Variants in NDST4 observed in about 807,000 individuals in gnomAD.
NDST4 encodes the protein N-heparan sulfate sulfotransferase 4.
A neutral mutation model predicts 100.8 loss-of-function variants in NDST4; 63 were observed. The ratio of observed to expected loss-of-function variants is 0.62; its 90% CI spans 0.51 to 0.77. The LOEUF (loss-of-function observed/expected upper bound fraction) is 0.77. Among genes scored for constraint, NDST4 ranks in the 30% least tolerant of loss-of-function variants. The probability of loss-of-function intolerance (pLI) is 0.00; values close to 1 mark genes in which losing one functional copy is unlikely to be tolerated. For missense variants in NDST4, 943 were observed against 1,018.4 expected, an observed-to-expected ratio of 0.93 and a Z score of 1.01; for synonymous variants, 377 against 361.8, an observed-to-expected ratio of 1.04 and a Z score of -0.48.
chr4:115,067,006 A>G (rs992231859), intron 2 of NDST4, among the ~76,000 whole-genome samples: 1 of 152,204 alleles, frequency 6.6e-6, no homozygotes, highest in Non-Finnish European at 1.5e-5. Flanking sequence ...TGCTACCCAT[A>G]GAACTGAATC....
chr4:115,095,445 T>C lies in NDST4; in HGVS notation c.-247+17999A>G, dbSNP rs573825967. Among the ~76,000 whole-genome samples, 37 of 152,306 alleles carry C rather than the reference T, an allele frequency of 2.4e-4. No homozygotes were observed. The East Asian group carries it at 6.8e-3, about 28-fold the overall frequency. On this transcript the variant is annotated intron_variant, in intron 1 of 13. Coordinates refer to ENST00000264363, the MANE Select transcript of NDST4 (RefSeq NM_022569.3). The stretch of plus-strand genomic sequence containing the variant: ...TTCCCCTTAGGACCTCAGAGCTCTC[T>C]GGTATATGTTTTCTCTCCCAGTTAG...
intron 6 of NDST4, among the ~76,000 whole-genome samples, chr4:114,875,551 T>G (rs1341132807): frequency 6.6e-6 from 1 of 152,152 alleles, no homozygotes; most frequent in African/African-American, 2.4e-5. Context: ...TAATTGAACT[T>G]TATGGATAAT....
intron 2 of NDST4, among the ~76,000 whole-genome samples, chr4:114,988,884 T>C (rs545089777): frequency 3.3e-5 from 5 of 152,300 alleles, no homozygotes; most frequent in African/African-American, 9.6e-5. Context: ...TAATTGGTTA[T>C]AGAAACTAGA....
chr4:114,900,914 G>T (rs1487667339), intron 6 of NDST4, among the ~76,000 whole-genome samples: 6 of 152,008 alleles, frequency 3.9e-5, no homozygotes, highest in Non-Finnish European at 8.8e-5. Flanking sequence ...GTGTTATTGA[G>T]AAGTGTGTTG....
chr4:115,097,255 T>TA (rs1729638078), intron 1 of NDST4, among the ~76,000 whole-genome samples: 1 of 152,166 alleles, frequency 6.6e-6, no homozygotes, highest in Non-Finnish European at 1.5e-5. Context: ...CTCCTGTTTG[T>TA]ATATCTAACC....
chr4:115,068,551 G>A (rs768794319), intron 2 of NDST4, among the ~76,000 whole-genome samples: 1 of 151,532 alleles, frequency 6.6e-6, no homozygotes, highest in African/African-American at 2.4e-5. Flanking sequence ...GCTCATGCCT[G>A]TAAACCCAGC....
chr4:114,909,307 A>G (rs192326843), intron 6 of NDST4, among the ~76,000 whole-genome samples: 66 of 152,306 alleles, frequency 4.3e-4, no homozygotes, highest in Middle Eastern at 3.4e-3. Context: ...AATTACATGT[A>G]TGATGACTTG....
chr4:114,883,073 T>A (rs1327100070), intron 6 of NDST4, among the ~76,000 whole-genome samples: 1 of 152,030 alleles, frequency 6.6e-6, no homozygotes, highest in African/African-American at 2.4e-5. Flanking sequence ...GTCAGTGGAC[T>A]TGCCTTGAAA....
intron 4 of NDST4, among the ~76,000 whole-genome samples, chr4:114,942,996 A>C (rs1725782464): frequency 6.8e-6 from 1 of 147,808 alleles, no homozygotes; most frequent in African/African-American, 2.5e-5. Context: ...ATATATACTG[A>C]TATATAATAT....
intron 6 of NDST4, among the ~76,000 whole-genome samples, chr4:114,877,370 T>G (rs1724277242): frequency 6.6e-6 from 1 of 152,110 alleles, no homozygotes; most frequent in African/African-American, 2.4e-5. Flanking sequence ...TATTTCAATA[T>G]GTATATCTAT....
intron 7 of NDST4, among the ~76,000 whole-genome samples, chr4:114,853,478 AGTGCCAGTTT>A (rs1270473689): frequency 1.3e-5 from 2 of 152,216 alleles, no homozygotes; most frequent in Admixed American, 6.5e-5. Context: ...CTACACTTCC[AGTGCCAGTTT>A]TTATTTCATT....
intron 7 of NDST4, among the ~76,000 whole-genome samples, chr4:114,855,847 T>A (rs1432101461): frequency 1.3e-5 from 2 of 152,206 alleles, no homozygotes; most frequent in African/African-American, 2.4e-5. Context: ...TTTAGATACA[T>A]CTTTCTTTAA....
intron 1 of NDST4, among the ~76,000 whole-genome samples, chr4:115,087,189 C>T (rs1454049191): frequency 6.6e-6 from 1 of 151,942 alleles, no homozygotes; most frequent in African/African-American, 2.4e-5. Context: ...GTGACTCTGT[C>T]TCATTTTGTA....
chr4:115,021,572 A>ATC (rs1448252098), intron 2 of NDST4, among the ~76,000 whole-genome samples: 8 of 60,150 alleles, frequency 1.3e-4, no homozygotes, highest in Non-Finnish European at 2.0e-4. Context: ...CACGTTCCAC[A>ATC]TATACACATT....
intron 5 of NDST4, among the ~76,000 whole-genome samples, chr4:114,935,795 C>G (rs1293399887): frequency 6.6e-6 from 1 of 152,100 alleles, no homozygotes; most frequent in Non-Finnish European, 1.5e-5. Context: ...TTTGTTTTCA[C>G]TACAATCTGA....
chr4:114,945,068 C>T (rs1024752156), intron 4 of NDST4, among the ~76,000 whole-genome samples: 3 of 151,912 alleles, frequency 2.0e-5, no homozygotes, highest in Admixed American at 2.0e-4. Flanking sequence ...AATTAGCTGG[C>T]TGTGGTGGCA....
At chr4:114,915,100 A>G (rs78077617) in intron 6 of NDST4, among the ~76,000 whole-genome samples, 3,843 of 152,280 alleles carry the variant, frequency 0.025, 159 homozygotes, top group African/African-American at 0.088. Context: ...AACAACTAAA[A>G]GCAAAGTCCT....
intron 2 of NDST4, among the ~76,000 whole-genome samples, chr4:115,057,646 G>T (rs759062126): frequency 5.3e-5 from 8 of 151,468 alleles, no homozygotes; most frequent in African/African-American, 1.9e-4. Flanking sequence ...TTTTATACAC[G>T]TATCTGGCTT....
chr4:115,085,164 T>C (rs1372352361), intron 1 of NDST4, among the ~76,000 whole-genome samples: 2 of 152,152 alleles, frequency 1.3e-5, no homozygotes, highest in Non-Finnish European at 2.9e-5. Flanking sequence ...GACTGCCCTA[T>C]TGGATTTCAG....
Sources: gnomAD v4.1 joint callset for allele counts (sites outside exome capture counted in the v4.1 genomes callset) on GRCh38, gnomAD v4.1.1 for gene constraint, MANE v1.5 for transcripts, NCBI Gene and HGNC (gene_info 2026-07-23, HGNC 2026-07-21) for gene names.